Variants in DPP6 observed in about 807,000 individuals in gnomAD.
The protein encoded by DPP6 is A-type potassium channel modulatory protein DPP6.
Under a neutral mutation model 122.6 loss-of-function variants are expected in DPP6, and 69 were observed. The ratio of observed to expected loss-of-function variants is 0.56; its 90% CI spans 0.46 to 0.69. The LOEUF is 0.69. DPP6 is among the 30% of genes least tolerant of loss of function. The pLI is 0.00. For missense variants in DPP6, 928 were observed against 1,116.9 expected, an observed-to-expected ratio of 0.83 and a Z score of 2.41; for synonymous variants, 418 against 433.1, an observed-to-expected ratio of 0.97 and a Z score of 0.43.
At chr7:153,923,962 A>G (rs937973406) in intron 1 of DPP6, among the ~76,000 whole-genome samples, 1 of 152,062 alleles carries the variant, frequency 6.6e-6, no homozygotes, top group Non-Finnish European at 1.5e-5. Flanking sequence ...TTTAAATATC[A>G]CCAGGCACAC....
Position 154,659,149 on chromosome 7 carries a change from A to G in DPP6, c.681-10211A>G, listed in dbSNP as rs1286870922. ...AAATCAAATTCCAATGCAAAAATAT[A>G]GGTTCCTTTCATAGGAACAGATGTG... On this transcript the variant is annotated intron_variant, in intron 6 of 25. Transcript: ENST00000377770. 3.9e-5 allele frequency among the ~76,000 whole-genome samples: 6 copies of G among 152,234 alleles called. No homozygotes were observed. In the South Asian group the frequency reaches 1.0e-3, roughly 26 times the overall value.
rs188176787 is a variant in DPP6 at position 154,064,172 on chromosome 7, C to T, written c.243+11109C>T. Among the ~76,000 whole-genome samples the T allele has an allele frequency of 1.6e-3, 251 of 152,234 alleles. 1 individual carries two copies. The highest frequency in any genetic ancestry group is 5.9e-3 in the African/African-American group (246 of 41,542). Reference sequence around the variant, plus strand: ...CCTGTACCCCCATACACCTCTGTCCCGCTCCCCGTTCAGGCTGACAATGTG... The same window carrying T: ...CCTGTACCCCCATACACCTCTGTCCTGCTCCCCGTTCAGGCTGACAATGTG... On this transcript the variant is annotated intron_variant, in intron 1 of 25. Transcript: ENST00000377770.
intron 1 of DPP6, among the ~76,000 whole-genome samples, chr7:153,936,684 G>C (rs979465880): frequency 6.6e-6 from 1 of 151,946 alleles, no homozygotes; most frequent in South Asian, 2.1e-4. Context: ...GGTGGTGGGC[G>C]CCTGTGGTCC....
At position 154,318,798 on chromosome 7, in the gene DPP6, AC is replaced by A. The variant is rs200082260; in HGVS notation, c.244-127408del. On this transcript the variant is annotated intron_variant, in intron 1 of 25. Coordinates refer to ENST00000377770, the MANE Select transcript of DPP6 (RefSeq NM_130797.4). ...TTCCCACCTTCCCACACTATACCCCACCCCCCCCAAGCCATGGCATGAGCTT... is the reference window on the plus strand; with the variant it reads ...TTCCCACCTTCCCACACTATACCCCACCCCCCCAAGCCATGGCATGAGCTT... Among the ~76,000 whole-genome samples, 37 of 148,946 alleles carry A rather than the reference AC, an allele frequency of 2.5e-4. 1 individual carries two copies. The highest frequency in any genetic ancestry group is 1.3e-3 in the Admixed American group (20 of 14,848).
At chr7:154,604,650 A>G in intron 5 of DPP6, among the ~76,000 whole-genome samples, 1 of 121,068 alleles carries the variant, frequency 8.3e-6, no homozygotes, top group Non-Finnish European at 1.9e-5. Context: ...GCATAATTTT[A>G]AAATAGGGTA....
chr7:154,627,103 C>A (rs571782350), intron 5 of DPP6, among the ~76,000 whole-genome samples: 195 of 142,582 alleles, frequency 1.4e-3, no homozygotes, highest in African/African-American at 4.7e-3. Flanking sequence ...AGCTCCGCCT[C>A]CCAGGTTCAA....
chr7:153,945,246 C>A (rs1801896093), intron 1 of DPP6, among the ~76,000 whole-genome samples: 1 of 152,154 alleles, frequency 6.6e-6, no homozygotes, highest in East Asian at 1.9e-4. Context: ...GCTTTCTTCT[C>A]TTTTTGTATT....
At chr7:154,181,658 A>G (rs1242886989) in intron 1 of DPP6, among the ~76,000 whole-genome samples, 1 of 151,630 alleles carries the variant, frequency 6.6e-6, no homozygotes, top group African/African-American at 2.4e-5. Context: ...ACTCATTTGG[A>G]CCCCTTATCT....
intron 19 of DPP6, among the ~76,000 whole-genome samples, chr7:154,873,789 T>G (rs192486246): frequency 6.7e-6 from 1 of 148,238 alleles, no homozygotes; most frequent in African/African-American, 2.5e-5. Flanking sequence ...CACCCACATG[T>G]GCACACATGC....
intron 1 of DPP6, among the ~76,000 whole-genome samples, chr7:154,080,202 A>G (rs529622778): frequency 2.0e-5 from 3 of 152,226 alleles, no homozygotes; most frequent in Non-Finnish European, 2.9e-5. Context: ...CTCTGATCCT[A>G]CCTCATTTAC....
chr7:154,578,158 G>A (rs1200613938), intron 5 of DPP6, among the ~76,000 whole-genome samples: 1 of 152,152 alleles, frequency 6.6e-6, no homozygotes, highest in African/African-American at 2.4e-5. Flanking sequence ...ACATGCTTTT[G>A]CTTGTCTTCT....
At chr7:154,322,021 G>A (rs1808008908) in intron 1 of DPP6, among the ~76,000 whole-genome samples, 1 of 151,984 alleles carries the variant, frequency 6.6e-6, no homozygotes, top group East Asian at 2.0e-4. Flanking sequence ...GCATCTCCCA[G>A]CACTTTCTAC....
the DPP6 span, among the ~76,000 whole-genome samples, chr7:153,814,329 T>C: frequency 4.7e-4 from 72 of 152,084 alleles, no homozygotes; most frequent in African/African-American, 1.5e-3. Context: ...TACAAACACC[T>C]CTATGCAAAT....
intron 6 of DPP6, among the ~76,000 whole-genome samples, chr7:154,667,150 A>G (rs1321371754): frequency 6.6e-6 from 1 of 151,442 alleles, no homozygotes; most frequent in Non-Finnish European, 1.5e-5. Context: ...TTGTCTGTTC[A>G]TGTCTTTTTC....
chr7:154,124,493 C>T (rs1384097369), intron 1 of DPP6, among the ~76,000 whole-genome samples: 1 of 152,166 alleles, frequency 6.6e-6, no homozygotes, highest in Non-Finnish European at 1.5e-5. Flanking sequence ...TGGGAGCAGG[C>T]AGATGGGAAC....
chr7:153,797,967 A>G, the DPP6 span, among the ~76,000 whole-genome samples: 1 of 152,086 alleles, frequency 6.6e-6, no homozygotes, highest in Non-Finnish European at 1.5e-5. Context: ...TCAGGCTCCC[A>G]AGTAGCTGTA....
In DPP6 at chr7:154,346,614, C is replaced by T. The variant is rs557367287; in HGVS notation, c.244-99600C>T. 4.6e-5 allele frequency among the ~76,000 whole-genome samples: 7 copies of T among 152,272 alleles called. No homozygotes were observed. In the South Asian group the frequency reaches 1.2e-3, roughly 27 times the overall value. ...GAGCCACAGTGCCCAGGCCCTCCTT[C>T]ACACTTTTAATTGGGACCCCCCCTG... is the stretch of plus-strand genomic sequence containing the variant. On this transcript the variant is annotated intron_variant, in intron 1 of 25. Transcript: ENST00000377770.
intron 1 of DPP6, among the ~76,000 whole-genome samples, chr7:154,090,561 AT>A (rs553004924): frequency 3.3e-5 from 5 of 152,076 alleles, no homozygotes; most frequent in African/African-American, 9.7e-5. Flanking sequence ...CAAAAAGTAT[AT>A]TTTTTTGGGA....
intron 1 of DPP6, among the ~76,000 whole-genome samples, chr7:154,077,703 A>G (rs1372070451): frequency 1.3e-5 from 2 of 149,074 alleles, no homozygotes; most frequent in African/African-American, 4.9e-5. Context: ...ACAGAGTCTC[A>G]CTCTGTCACC....
Sources: gnomAD v4.1 joint callset for allele counts (sites outside exome capture counted in the v4.1 genomes callset) on GRCh38, gnomAD v4.1.1 for gene constraint, MANE v1.5 for transcripts, NCBI Gene and HGNC (gene_info 2026-07-23, HGNC 2026-07-21) for gene names.